The following MGAT5 variants were observed in gnomAD, a reference collection of about 807,000 sequenced individuals.
The protein encoded by MGAT5 is alpha-1,6-mannosylglycoprotein 6-beta-N-acetylglucosaminyltransferase A.
Under a neutral mutation model 94.3 loss-of-function variants are expected in MGAT5, and 30 were observed. That is an observed-to-expected ratio of 0.32 (90% CI 0.24 to 0.43). The LOEUF is 0.43. Among genes scored for constraint, MGAT5 ranks in the 20% least tolerant of loss-of-function variants. The pLI, the probability that MGAT5 is intolerant of heterozygous loss-of-function variation, is 1.00. For synonymous variants in MGAT5, 310 were observed against 322.9 expected (o/e 0.96, Z 0.43); for missense variants, 691 against 905.5 (o/e 0.76, Z 3.04).
intron 4 of MGAT5, among the ~76,000 whole-genome samples, chr2:134,333,281 G>T (rs1037214628): frequency 6.6e-6 from 1 of 151,942 alleles, no homozygotes; most frequent in Non-Finnish European, 1.5e-5. Context: ...CATGTCCTTT[G>T]TAGGGACATG....
chr2:134,222,335 C>G (rs1190190914), intron 1 of MGAT5, among the ~76,000 whole-genome samples: 1 of 151,834 alleles, frequency 6.6e-6, no homozygotes, highest in Non-Finnish European at 1.5e-5. Flanking sequence ...AGTAAACAAC[C>G]CAATCAGCCA....
chr2:134,339,005 G>T (rs914744854), intron 6 of MGAT5, among the ~76,000 whole-genome samples: 1 of 152,144 alleles, frequency 6.6e-6, no homozygotes, highest in Non-Finnish European at 1.5e-5. Flanking sequence ...TAGATTAACT[G>T]TTCTGTTCTG....
intron 2 of MGAT5, among the ~76,000 whole-genome samples, chr2:134,282,663 G>T (rs11903405): frequency 0.14 from 20,603 of 152,168 alleles, 3,154 homozygotes; most frequent in African/African-American, 0.35. Flanking sequence ...TTCTGGAGAT[G>T]ACACTCCAGC....
chr2:134,337,933 G>A (rs1688422370), intron 5 of MGAT5, among the ~76,000 whole-genome samples: 1 of 152,126 alleles, frequency 6.6e-6, no homozygotes, highest in South Asian at 2.1e-4. Flanking sequence ...CAGTAAATTT[G>A]AGTGCTGAGA....
intron 2 of MGAT5, among the ~76,000 whole-genome samples, chr2:134,284,946 T>C (rs1684914674): frequency 6.6e-6 from 1 of 152,188 alleles, no homozygotes; most frequent in African/African-American, 2.4e-5. Flanking sequence ...CATTTGGATA[T>C]TGTTGTAAAT....
chr2:134,370,471 C>T (rs1016078999), intron 10 of MGAT5, among the ~76,000 whole-genome samples: 2 of 152,214 alleles, frequency 1.3e-5, no homozygotes, highest in African/African-American at 4.8e-5. Context: ...GCCATTTGTT[C>T]TGGTTCCAAC....
chr2:134,197,889 A>G (rs1679575852), intron 1 of MGAT5, among the ~76,000 whole-genome samples: 2 of 152,156 alleles, frequency 1.3e-5, no homozygotes, highest in Non-Finnish European at 2.9e-5. Flanking sequence ...AGGAATGATA[A>G]CCCAGAGGTT....
intron 1 of MGAT5, among the ~76,000 whole-genome samples, chr2:134,266,464 G>A (rs558094047): frequency 6.0e-4 from 91 of 152,248 alleles, no homozygotes; most frequent in Middle Eastern, 3.4e-3. Context: ...CAGGTGATCC[G>A]CCTGCCTCGG....
chr2:134,143,530 C>T (rs13424711), intron 1 of MGAT5, among the ~76,000 whole-genome samples: 5 of 152,090 alleles, frequency 3.3e-5, no homozygotes, highest in African/African-American at 4.8e-5. Flanking sequence ...GCTGAAACCG[C>T]GCTCGGCGCA....
At chr2:134,251,290 C>G (rs1682575381), upstream of MGAT5, among the ~76,000 whole-genome samples, 1 of 152,044 alleles carries the variant, frequency 6.6e-6, no homozygotes, top group South Asian at 2.1e-4. Flanking sequence ...GGTGGAAACT[C>G]CATCTTGTTC....
intron 2 of MGAT5, among the ~76,000 whole-genome samples, chr2:134,291,576 C>T (rs989122086): frequency 7.2e-5 from 11 of 152,162 alleles, no homozygotes; most frequent in Non-Finnish European, 1.0e-4. Flanking sequence ...GAAAAGCATT[C>T]ATGACAAGGA....
chr2:134,197,371 A>G (rs1257692433), intron 1 of MGAT5, among the ~76,000 whole-genome samples: 3 of 152,238 alleles, frequency 2.0e-5, no homozygotes, highest in African/African-American at 7.2e-5. Flanking sequence ...AGTAATTTAT[A>G]TGAGAGAGTC....
chr2:134,347,244 C>A (rs1448550036), intron 8 of MGAT5, among the ~76,000 whole-genome samples: 1 of 152,138 alleles, frequency 6.6e-6, no homozygotes, highest in African/African-American at 2.4e-5. Context: ...TAAATTAAAC[C>A]TAGATAAGCT....
chr2:134,370,566 C>T (rs1171868133), intron 10 of MGAT5, among the ~76,000 whole-genome samples: 2 of 152,200 alleles, frequency 1.3e-5, no homozygotes, highest in African/African-American at 4.8e-5. Context: ...TTTCATGATC[C>T]CTTGGAGATG....
In MGAT5 at chr2:134,454,411, G is replaced by C. The variant is rs1686263427; in HGVS notation, c.*5564G>C. The C allele has an allele frequency of 6.6e-6, 1 of 152,190 alleles. No individual in the cohort carries two copies. Among genetic ancestry groups the C allele is most frequent in the African/African-American group, 2.4e-5 (1 of 41,438 alleles). The allele number at this position is 152,190 out of a possible 1,614,324, so 9.4% of individuals were successfully genotyped here. On this transcript the variant is annotated 3_prime_UTR_variant, in exon 16 of 16. Transcript: ENST00000281923. ...GCTGTCACAACCTTGACGTCTTTAA[G>C]CTAATGGCCGTTTGCATCTGTGTCT...
intron 1 of MGAT5, among the ~76,000 whole-genome samples, chr2:134,247,903 A>G (rs1259518548): frequency 6.6e-6 from 1 of 152,212 alleles, no homozygotes; most frequent in Non-Finnish European, 1.5e-5. Flanking sequence ...TCTTCTCAGC[A>G]TAACAGTGAC....
intron 10 of MGAT5, among the ~76,000 whole-genome samples, chr2:134,376,713 C>G (rs1465216862): frequency 6.6e-6 from 1 of 152,198 alleles, no homozygotes; most frequent in Non-Finnish European, 1.5e-5. Flanking sequence ...CTGAAACTAG[C>G]AGGCCAATCT....
intron 1 of MGAT5, among the ~76,000 whole-genome samples, chr2:134,141,074 C>T (rs1686634473): frequency 6.6e-6 from 1 of 152,096 alleles, no homozygotes; most frequent in East Asian, 1.9e-4. Context: ...TGCTGTTATC[C>T]AGGGAATGGG....
At chr2:134,336,763 G>A (rs1688358365) in intron 5 of MGAT5, among the ~76,000 whole-genome samples, 1 of 152,142 alleles carries the variant, frequency 6.6e-6, no homozygotes, top group African/African-American at 2.4e-5. Flanking sequence ...GAAAATGAGA[G>A]CATAGCAGTT....
Sources: gnomAD v4.1 joint callset for allele counts (sites outside exome capture counted in the v4.1 genomes callset) on GRCh38, gnomAD v4.1.1 for gene constraint, MANE v1.5 for transcripts, NCBI Gene and HGNC (gene_info 2026-07-23, HGNC 2026-07-21) for gene names.